TCP11L2: variants seen among roughly 807,000 people sequenced by gnomAD.
TCP11L2 encodes the protein T-complex protein 11-like protein 2.
Under a neutral mutation model 50.7 loss-of-function variants are expected in TCP11L2, and 39 were observed. The ratio of observed to expected loss-of-function variants is 0.77; its 90% CI spans 0.60 to 1.01. The LOEUF (loss-of-function observed/expected upper bound fraction) is 1.01. Ranked by LOEUF, TCP11L2 falls within the 50% of genes least tolerant of loss-of-function variation. The pLI, the probability that TCP11L2 is intolerant of heterozygous loss-of-function variation, is 0.00. For missense variants in TCP11L2, 612 were observed against 614.7 expected, an observed-to-expected ratio of 1.00 and a Z score of 0.05; for synonymous variants, 192 against 219.3, an observed-to-expected ratio of 0.88 and a Z score of 1.10.
At chr12:106,316,289 A>G (rs1459795268) in intron 3 of TCP11L2, among the ~76,000 whole-genome samples, 2 of 152,216 alleles carry the variant, frequency 1.3e-5, no homozygotes, top group South Asian at 2.1e-4. Context: ...AGAATGAGCT[A>G]TATTAGATGA....
intron 9 of TCP11L2, 84 bp from the exon 10 acceptor site, chr12:106,346,202 A>T: frequency 1.5e-6 from 2 of 1,376,878 alleles, no homozygotes; most frequent in South Asian, 2.8e-5. Context: ...ATTGCAGTCA[A>T]CCTACTACAA....
intron 1 of TCP11L2, among the ~76,000 whole-genome samples, chr12:106,310,022 C>T (rs1412176217): frequency 6.6e-6 from 1 of 152,130 alleles, no homozygotes; most frequent in Non-Finnish European, 1.5e-5. Flanking sequence ...CGGGTTTCCC[C>T]TTCAGTGTCA....
intron 1 of TCP11L2, among the ~76,000 whole-genome samples, chr12:106,308,956 AAAGGAAC>A (rs2034740334): frequency 6.6e-6 from 1 of 152,216 alleles, no homozygotes; most frequent in Non-Finnish European, 1.5e-5. Flanking sequence ...CCATGGGAAG[AAAGGAAC>A]AAGGAACTAA....
At chr12:106,338,906 C>T (rs556361166) in intron 8 of TCP11L2, among the ~76,000 whole-genome samples, 222 of 152,222 alleles carry the variant, frequency 1.5e-3, no homozygotes, top group African/African-American at 5.0e-3. Context: ...TCTAGGAGGC[C>T]GAGGCAGCCA....
At chr12:106,312,399 A>G in intron 2 of TCP11L2, 1 of 1,233,744 alleles carries the variant, frequency 8.1e-7, no homozygotes, top group South Asian at 1.4e-5. Flanking sequence ...ATCTTGAGTC[A>G]GACCTGGCAA....
In TCP11L2 at chr12:106,335,683, G is replaced by A; in HGVS notation, c.817G>A (p.Glu273Lys). 6.2e-7 allele frequency: 1 copy of A among 1,614,178 alleles called. No individual in the cohort carries two copies. The highest frequency in any genetic ancestry group is 8.5e-7 in the Non-Finnish European group (1 of 1,180,018). ...AGAATGGATAAAAGAATCTGTAAAT[G>A]AAGAATTATTTTCTCTTTCTGAGAG... ...TTEWIKESVN[E>K]ELFSLSESAL... The change falls in exon 7 of 10, where the codon GAA becomes AAA. Residue 273 changes from glutamate to lysine, a missense_variant. By Grantham distance (56) the Glu-to-Lys change is moderately conservative. Transcript: ENST00000299045.
chr12:106,326,210 A>C (rs2035540502), intron 6 of TCP11L2, among the ~76,000 whole-genome samples: 1 of 152,144 alleles, frequency 6.6e-6, no homozygotes, highest in Non-Finnish European at 1.5e-5. Context: ...AAGACAAAAC[A>C]GGCGCCACAT....
intron 6 of TCP11L2, among the ~76,000 whole-genome samples, chr12:106,332,057 G>C (rs1284459261): frequency 2.0e-5 from 3 of 152,182 alleles, no homozygotes; most frequent in African/African-American, 7.2e-5. Context: ...GGCTCTGTTT[G>C]ACAGATAATC....
intron 4 of TCP11L2, 48 bp from the exon 5 acceptor site, chr12:106,321,438 C>T: frequency 1.3e-6 from 2 of 1,498,196 alleles, no homozygotes; most frequent in African/African-American, 1.4e-5. Context: ...AAAGTGACAG[C>T]TTTTATTCAC....
At chr12:106,315,843 C>T (rs997846268) in intron 3 of TCP11L2, among the ~76,000 whole-genome samples, 5 of 152,206 alleles carry the variant, frequency 3.3e-5, no homozygotes, top group Non-Finnish European at 5.9e-5. Context: ...TCTTTAGAAG[C>T]AAAGTTGGTT....
chr12:106,330,724 G>GTCAT (rs2035718578), intron 6 of TCP11L2, among the ~76,000 whole-genome samples: 1 of 152,194 alleles, frequency 6.6e-6, no homozygotes. Flanking sequence ...ATTTCAGCTA[G>GTCAT]TCATGGCTGC....
Position 106,346,300 on chromosome 12 carries a change from C to T in TCP11L2, c.1330C>T (p.Leu444Phe), listed in dbSNP as rs550082613. Residue 444 changes from leucine to phenylalanine, a missense_variant, in exon 10 of 10, where the codon CTT becomes TTT. Physicochemically the swap from Leu to Phe is conservative, Grantham distance 22. Transcript: ENST00000299045. ...IWSLIDKRIKLYMRRLLCLPS... is the reference protein window; with the variant it reads ...IWSLIDKRIKFYMRRLLCLPS... Reference sequence around the variant, plus strand: ...TTCCCCTTCAGATAAACGAATTAAGCTTTACATGAGAAGGCTACTTTGTCT... The same window carrying T: ...TTCCCCTTCAGATAAACGAATTAAGTTTTACATGAGAAGGCTACTTTGTCT... 204 of 1,609,444 alleles carry T rather than the reference C, an allele frequency of 1.3e-4. 6 individuals are homozygous for T. In the South Asian group the frequency reaches 2.1e-3, roughly 17 times the overall value.
Position 106,314,369 on chromosome 12 carries a change from C to G in TCP11L2, c.169C>G (p.Pro57Ala), listed in dbSNP as rs781160782. Residue 57 changes from proline to alanine, a missense_variant, in exon 3 of 10, where the codon CCA becomes GCA. Coordinates refer to ENST00000299045, the MANE Select transcript of TCP11L2 (RefSeq NM_152772.3). Reference protein sequence around the residue: ...KSSSPASTSPPRVVTFDEVMA... With the variant: ...KSSSPASTSPARVVTFDEVMA... ...TGTTTTTCTTTCAGCAACAAGCCCT[C>G]CAAGGGTTGTAACATTTGATGAAGT... 12 of 1,608,928 alleles carry G rather than the reference C, an allele frequency of 7.5e-6. 1 individual carries two copies. The South Asian group carries it at 1.3e-4, about 18-fold the overall frequency.
In TCP11L2 at chr12:106,311,140, G is replaced by A. The variant is rs760610527; in HGVS notation, c.65G>A (p.Arg22Gln). The A allele has an allele frequency of 1.4e-5, 22 of 1,614,084 alleles. No homozygotes were observed. Among genetic ancestry groups the A allele is most frequent in the South Asian group, 1.3e-4 (12 of 91,084 alleles). The change falls in exon 2 of 10, where the codon CGG (arginine) becomes CAG (glutamine). Residue 22 changes from arginine to glutamine, a missense_variant. By Grantham distance (43) the Arg-to-Gln change is conservative. Transcript: ENST00000299045. ...CAGCCAAGCGATTCTGATTCTTCCC[G>A]GTTTTCCGAAAGCATGGCTTCGCTC... ...EDQPSDSDSS[R>Q]FSESMASLSD... is the part of the protein sequence containing the mutation.
At position 106,327,198 on chromosome 12, in the gene TCP11L2, CT is replaced by C. The variant is rs778765692; in HGVS notation, c.772+3553del. Among the ~76,000 whole-genome samples the C allele has an allele frequency of 4.6e-5, 7 of 151,418 alleles. 1 individual carries two copies. The highest frequency in any genetic ancestry group is 1.5e-4 in the African/African-American group (6 of 41,276). On this transcript the variant is annotated intron_variant, in intron 6 of 9. Transcript: ENST00000299045. Reference sequence around the variant, plus strand: ...TTTCTTTCCTTCTTTTTTTTCCCCCCTGTTTGTCTTTAAGAGACAGAGTCTC... The same window carrying C: ...TTTCTTTCCTTCTTTTTTTTCCCCCCGTTTGTCTTTAAGAGACAGAGTCTC...
intron 4 of TCP11L2, among the ~76,000 whole-genome samples, chr12:106,318,902 T>A (rs1174981851): frequency 6.5e-4 from 96 of 148,186 alleles, no homozygotes; most frequent in African/African-American, 2.3e-3. Context: ...TTTTATTTTT[T>A]TTTTTTTTTT....
intron 1 of TCP11L2, chr12:106,303,187 G>C (rs969511034): frequency 6.6e-6 from 1 of 152,282 alleles, no homozygotes; most frequent in Non-Finnish European, 1.5e-5. Flanking sequence ...GCCGCCCCGC[G>C]TGTCGGGGTG....
chr12:106,300,162 A>C (rs1379024991), upstream of TCP11L2, among the ~76,000 whole-genome samples: 1 of 151,858 alleles, frequency 6.6e-6, no homozygotes, highest in Non-Finnish European at 1.5e-5. Flanking sequence ...TTGCCTTTTC[A>C]GATTTTGTTG....
intron 1 of TCP11L2, chr12:106,303,943 G>A (rs760515659): frequency 1.3e-5 from 2 of 152,248 alleles, no homozygotes; most frequent in Non-Finnish European, 2.9e-5. Context: ...TGGACAAGTT[G>A]TCCTTGTCCC....
Sources: allele counts gnomAD v4.1 joint callset (sites outside exome capture counted in the v4.1 genomes callset), GRCh38; gene constraint gnomAD v4.1.1; transcripts MANE v1.5; gene names NCBI Gene and HGNC (gene_info 2026-07-23, HGNC 2026-07-21).